PALM2AKAP2: variants seen among roughly 807,000 people sequenced by gnomAD.
PALM2AKAP2 encodes the protein PALM2 and AKAP2 fusion, also known as PALM2-AKAP2 fusion protein.
A neutral mutation model predicts 71.5 loss-of-function variants in PALM2AKAP2; 37 were observed. The ratio of observed to expected loss-of-function variants is 0.52; its 90% CI spans 0.40 to 0.68. The LOEUF (loss-of-function observed/expected upper bound fraction) is 0.68. PALM2AKAP2 is among the 30% of genes least tolerant of loss of function. The probability of loss-of-function intolerance (pLI) is 0.00; values close to 1 mark genes in which losing one functional copy is unlikely to be tolerated. For synonymous variants in PALM2AKAP2, 468 were observed against 478.8 expected (o/e 0.98, Z 0.29); for missense variants, 1,224 against 1,191.8 (o/e 1.03, Z -0.40).
At chr9:110,020,870 G>A (rs923127947) in intron 7 of PALM2AKAP2, among the ~76,000 whole-genome samples, 3 of 152,110 alleles carry the variant, frequency 2.0e-5, no homozygotes, top group Admixed American at 6.6e-5. Context: ...AGCACTGGGA[G>A]GCTGAGGTGG....
intron 1 of PALM2AKAP2, among the ~76,000 whole-genome samples, chr9:109,728,483 C>A (rs1828507583): frequency 6.6e-6 from 1 of 152,190 alleles, no homozygotes; most frequent in South Asian, 2.1e-4. Flanking sequence ...AAAATCTCAT[C>A]CTGATGCAGC....
At chr9:110,159,158 G>A (rs1836535962) in intron 3 of PALM2AKAP2, among the ~76,000 whole-genome samples, 1 of 152,174 alleles carries the variant, frequency 6.6e-6, no homozygotes, top group African/African-American at 2.4e-5. Context: ...GGGATGAGTT[G>A]TGTAACTGGC....
intron 1 of PALM2AKAP2, among the ~76,000 whole-genome samples, chr9:109,652,276 G>C (rs1400924977): frequency 2.6e-5 from 4 of 152,124 alleles, no homozygotes; most frequent in Non-Finnish European, 5.9e-5. Flanking sequence ...AGTGAGAAGT[G>C]TTTGAGTCAT....
chr9:109,661,319 C>A (rs1031389748), intron 1 of PALM2AKAP2, among the ~76,000 whole-genome samples: 2 of 152,118 alleles, frequency 1.3e-5, no homozygotes, highest in African/African-American at 2.4e-5. Context: ...AGTCTTTAAT[C>A]CATCTTGAAT....
chr9:110,028,644 G>A (rs1206460851), intron 7 of PALM2AKAP2, among the ~76,000 whole-genome samples: 1 of 152,162 alleles, frequency 6.6e-6, no homozygotes, highest in African/African-American at 2.4e-5. Context: ...GTTTTAATAA[G>A]TGCAGGTTTA....
At chr9:109,702,378 G>T (rs1233130030) in intron 1 of PALM2AKAP2, among the ~76,000 whole-genome samples, 1 of 152,216 alleles carries the variant, frequency 6.6e-6, no homozygotes, top group Non-Finnish European at 1.5e-5. Context: ...TTAAGAAAAT[G>T]TGGCACATAT....
At chr9:109,751,850 G>T (rs926638046) in intron 1 of PALM2AKAP2, among the ~76,000 whole-genome samples, 1 of 152,134 alleles carries the variant, frequency 6.6e-6, no homozygotes, top group African/African-American at 2.4e-5. Context: ...GCAGGTATTG[G>T]CCTGAGGGAA....
intron 6 of PALM2AKAP2, among the ~76,000 whole-genome samples, chr9:109,959,897 C>T (rs972190598): frequency 1.3e-5 from 2 of 152,010 alleles, no homozygotes; most frequent in South Asian, 2.1e-4. Flanking sequence ...TCATTGTGAG[C>T]GTACAAGCAT....
intron 1 of PALM2AKAP2, among the ~76,000 whole-genome samples, chr9:109,813,478 C>T (rs963819158): frequency 5.9e-5 from 9 of 152,126 alleles, no homozygotes; most frequent in East Asian, 1.9e-4. Context: ...CTGAAGCTGC[C>T]GCTTTTTAAT....
chr9:109,674,954 T>C (rs1383812243), intron 1 of PALM2AKAP2, among the ~76,000 whole-genome samples: 1 of 152,042 alleles, frequency 6.6e-6, no homozygotes, highest in Non-Finnish European at 1.5e-5. Context: ...ATATAACCAC[T>C]CTGTTTTTCA....
chr9:109,844,207 C>A (rs943079468), intron 1 of PALM2AKAP2, among the ~76,000 whole-genome samples: 1 of 152,162 alleles, frequency 6.6e-6, no homozygotes, highest in Non-Finnish European at 1.5e-5. Context: ...CTGCCACTGG[C>A]ACCACTTTAC....
At chr9:109,686,035 ACT>A (rs1459608263) in intron 1 of PALM2AKAP2, among the ~76,000 whole-genome samples, 1 of 151,686 alleles carries the variant, frequency 6.6e-6, no homozygotes, top group African/African-American at 2.4e-5. Flanking sequence ...GTAAGAAGCA[ACT>A]CTCTGTCCAT....
chr9:109,690,886 A>G (rs1827873141), intron 1 of PALM2AKAP2, among the ~76,000 whole-genome samples: 1 of 152,108 alleles, frequency 6.6e-6, no homozygotes, highest in Admixed American at 6.6e-5. Context: ...TGTCTGTGAT[A>G]TGTCTCCTAA....
At chr9:109,770,000 GCAGTAAC>G (rs757245758) in intron 1 of PALM2AKAP2, among the ~76,000 whole-genome samples, 9 of 152,130 alleles carry the variant, frequency 5.9e-5, no homozygotes, top group Non-Finnish European at 1.2e-4. Context: ...AAAGACAGTG[GCAGTAAC>G]CCAAGCCCAG....
exon 2 of PALM2AKAP2, chr9:110,137,239 G>A: frequency 1.2e-6 from 2 of 1,614,266 alleles, no homozygotes; most frequent in Non-Finnish European, 8.5e-7. Flanking sequence ...AGCTGATGGA[G>A]AATTCCAGGC....
At chr9:110,015,214 T>C (rs1034761779) in intron 6 of PALM2AKAP2, among the ~76,000 whole-genome samples, 7 of 152,126 alleles carry the variant, frequency 4.6e-5, no homozygotes, top group Non-Finnish European at 7.4e-5. Context: ...ATCTATTGGG[T>C]ATTGAATTAG....
chr9:109,790,732 A>G (rs942821237), intron 1 of PALM2AKAP2, among the ~76,000 whole-genome samples: 5 of 152,204 alleles, frequency 3.3e-5, no homozygotes, highest in African/African-American at 7.2e-5. Flanking sequence ...GTGTGACTTG[A>G]CATACATCTT....
chr9:109,693,985 T>C (rs1827933121), intron 1 of PALM2AKAP2, among the ~76,000 whole-genome samples: 1 of 152,026 alleles, frequency 6.6e-6, no homozygotes, highest in African/African-American at 2.4e-5. Context: ...TATGATATGA[T>C]ATTATAGATT....
At chr9:110,012,817 T>C (rs901732561) in intron 6 of PALM2AKAP2, among the ~76,000 whole-genome samples, 1 of 152,162 alleles carries the variant, frequency 6.6e-6, no homozygotes, top group South Asian at 2.1e-4. Flanking sequence ...GATTGTATAA[T>C]AGCAGAGAAA....
Sources: gnomAD v4.1 joint callset for allele counts (sites outside exome capture counted in the v4.1 genomes callset) on GRCh38, gnomAD v4.1.1 for gene constraint, MANE v1.5 for transcripts, NCBI Gene and HGNC (gene_info 2026-07-23, HGNC 2026-07-21) for gene names.